Variants in OSBPL10 observed in about 807,000 individuals in gnomAD.
The protein encoded by OSBPL10 is oxysterol binding protein like 10, also known as oxysterol-binding protein-related protein 10.
In OSBPL10, 49 loss-of-function variants were observed where a neutral mutation model predicts 81.7. That is an observed-to-expected ratio of 0.60 (90% confidence interval 0.48 to 0.76). The LOEUF (loss-of-function observed/expected upper bound fraction) is 0.76. OSBPL10 is among the 30% of genes least tolerant of loss of function. OSBPL10 has a pLI of 0.00. For synonymous variants in OSBPL10, 419 were observed against 383.6 expected, an observed-to-expected ratio of 1.09 and a Z score of -1.08; for missense variants, 923 against 987.8, an observed-to-expected ratio of 0.93 and a Z score of 0.88.
At position 31,689,797 on chromosome 3, in the gene OSBPL10, C is replaced by T. The variant is rs569471008; in HGVS notation, c.1246-5683G>A. Among the ~76,000 whole-genome samples, 3 of 152,226 alleles carry T rather than the reference C, an allele frequency of 2.0e-5. No individual in the cohort carries two copies. The South Asian group carries it at 6.2e-4, about 32-fold the overall frequency. ...CTTCTGCCATGATTGTGAGGCCTCC[C>T]CAGCCATTTGGAACTATAAGTCCGT... On this transcript the variant is annotated intron_variant, in intron 7 of 11. Transcript: ENST00000396556.
rs1379230411 is a variant in OSBPL10, at chr3:32,060,909, G to T, written n.186-14306C>A. 5.0e-5 allele frequency among the ~76,000 whole-genome samples: 4 copies of T among 80,684 alleles called. 2 individuals are homozygous for T. The Admixed American group carries it at 6.3e-4, about 13-fold the overall frequency. 52.9% of individuals were successfully genotyped at this position (80,684 alleles called of 152,430 possible). A position where few individuals can be genotyped will look rare whatever the true frequency, so the allele number is the denominator to read the frequency against. ...AACCGCTTGAACCTGGGAGGCGGAGGTTTCGGTGAGCCGAGATCACACCAT... is the reference window on the plus strand; with the variant it reads ...AACCGCTTGAACCTGGGAGGCGGAGTTTTCGGTGAGCCGAGATCACACCAT... On this transcript the variant is annotated intron_variant and non_coding_transcript_variant, in intron 1 of 3. Transcript: ENST00000479173.
At chr3:31,948,179 AG>A (rs1327068646) in intron 1 of OSBPL10, among the ~76,000 whole-genome samples, 26 of 152,182 alleles carry the variant, frequency 1.7e-4, no homozygotes, top group African/African-American at 5.3e-4. Flanking sequence ...GACCCAGTAA[AG>A]GGGATCTGTG....
chr3:31,764,039 T>C (rs1177807733), intron 4 of OSBPL10, among the ~76,000 whole-genome samples: 1 of 152,230 alleles, frequency 6.6e-6, no homozygotes, highest in Non-Finnish European at 1.5e-5. Context: ...AATGTAATCC[T>C]CAAGGCACAC....
intron 1 of OSBPL10, among the ~76,000 whole-genome samples, chr3:31,965,603 A>ATTTTATATAAT (rs1414578847): frequency 1.9e-5 from 1 of 53,414 alleles, no homozygotes; most frequent in African/African-American, 6.8e-5. Flanking sequence ...TATATTATAT[A>ATTTTATATAAT]ATATATTATA....
chr3:31,880,908 G>A (rs1015528186), intron 1 of OSBPL10, among the ~76,000 whole-genome samples: 4 of 152,176 alleles, frequency 2.6e-5, no homozygotes, highest in Admixed American at 6.5e-5. Context: ...TCAAACACAC[G>A]TGGTCCACAC....
At chr3:31,954,244 A>T (rs1697948110) in intron 1 of OSBPL10, among the ~76,000 whole-genome samples, 1 of 152,206 alleles carries the variant, frequency 6.6e-6, no homozygotes, top group Admixed American at 6.5e-5. Flanking sequence ...AAGATGCCAC[A>T]GGCCTGGAGG....
At chr3:31,681,925 C>T (rs962383040) in intron 8 of OSBPL10, among the ~76,000 whole-genome samples, 2 of 152,190 alleles carry the variant, frequency 1.3e-5, no homozygotes, top group African/African-American at 4.8e-5. Context: ...AGCTCCCATA[C>T]TCTTCCTTCA....
Position 31,822,394 on chromosome 3 carries a change from C to T in OSBPL10, c.729+7646G>A, listed in dbSNP as rs1037855024. Among the ~76,000 whole-genome samples, 6 of 152,184 alleles carry T rather than the reference C, an allele frequency of 3.9e-5. No homozygotes were observed. In the East Asian group the frequency reaches 5.8e-4, roughly 15 times the overall value. On this transcript the variant is annotated intron_variant, in intron 4 of 11. Coordinates refer to ENST00000396556, the MANE Select transcript of OSBPL10 (RefSeq NM_017784.5). ...CACCACCTTTTCCCTCATCATGCTA[C>T]GAATCCAAAGCCTCCCTACTGAATT...
At chr3:31,812,660 T>G (rs771509998) in intron 4 of OSBPL10, among the ~76,000 whole-genome samples, 2 of 150,266 alleles carry the variant, frequency 1.3e-5, no homozygotes, top group Admixed American at 6.6e-5. Context: ...TCCTGAATGT[T>G]AAGTTGATAG....
chr3:31,746,286 G>A (rs1443955931), intron 5 of OSBPL10, among the ~76,000 whole-genome samples: 3 of 152,112 alleles, frequency 2.0e-5, no homozygotes, highest in Non-Finnish European at 4.4e-5. Flanking sequence ...AGGTGAGTGG[G>A]GCACAGAGCT....
intron 3 of OSBPL10, among the ~76,000 whole-genome samples, chr3:31,860,134 C>A (rs540459354): frequency 9.1e-4 from 138 of 152,208 alleles, no homozygotes; most frequent in Middle Eastern, 3.4e-3. Context: ...AAAGCCTTTT[C>A]TTTCCCTGTG....
chr3:31,725,647 C>T (rs570852093), intron 6 of OSBPL10, among the ~76,000 whole-genome samples: 1 of 152,286 alleles, frequency 6.6e-6, no homozygotes, highest in African/African-American at 2.4e-5. Flanking sequence ...CATCTTCTGC[C>T]TGGAGAGCTC....
intron 1 of OSBPL10, among the ~76,000 whole-genome samples, chr3:31,907,243 T>C (rs924865590): frequency 6.6e-6 from 1 of 152,202 alleles, no homozygotes; most frequent in African/African-American, 2.4e-5. Context: ...GCTTCCAGCA[T>C]ACTCATCTGA....
intron 4 of OSBPL10, among the ~76,000 whole-genome samples, chr3:31,783,622 C>A (rs904567385): frequency 6.7e-6 from 1 of 149,108 alleles, no homozygotes; most frequent in Non-Finnish European, 1.5e-5. Flanking sequence ...GAAATCCCGT[C>A]TCTACTAAAA....
In OSBPL10 at chr3:31,850,832, C is replaced by T. The variant is rs151207315; in HGVS notation, c.538-20601G>A. Among the ~76,000 whole-genome samples the T allele has an allele frequency of 6.9e-4, 105 of 152,234 alleles. 1 individual carries two copies. The highest frequency in any genetic ancestry group is 1.1e-3 in the Non-Finnish European group (73 of 68,030). On this transcript the variant is annotated intron_variant, in intron 3 of 11. Transcript: ENST00000396556. Reference sequence around the variant, plus strand: ...AGAAGGAAATGCTCCATCTACTTTACGGAATAAGAAACAAGTACAAAAAAG... The same window carrying T: ...AGAAGGAAATGCTCCATCTACTTTATGGAATAAGAAACAAGTACAAAAAAG...
At chr3:32,069,717 A>C (rs1350810697) in intron 1 of OSBPL10, among the ~76,000 whole-genome samples, 2 of 152,212 alleles carry the variant, frequency 1.3e-5, no homozygotes, top group Non-Finnish European at 2.9e-5. Flanking sequence ...ACAATAATAG[A>C]GAGGCGGTAG....
intron 2 of OSBPL10, among the ~76,000 whole-genome samples, chr3:32,014,811 A>T (rs529870214): frequency 6.6e-6 from 1 of 152,342 alleles, no homozygotes; most frequent in Non-Finnish European, 1.5e-5. Context: ...ACAGACAAAC[A>T]GAGATCCAAA....
intron 1 of OSBPL10, among the ~76,000 whole-genome samples, chr3:32,048,926 T>C (rs1179940104): frequency 6.6e-6 from 1 of 152,188 alleles, no homozygotes; most frequent in Non-Finnish European, 1.5e-5. Context: ...TTGTTATCAC[T>C]GCTCATTATA....
chr3:31,664,235 G>A lies in OSBPL10; in HGVS notation c.2097-3C>T, dbSNP rs772714903. ...GGGTCACCTCCCGCCAGAGGTTCCTGGGGATGCGTGGAGGAGAGGAAACAA... is the reference window on the plus strand; with the variant it reads ...GGGTCACCTCCCGCCAGAGGTTCCTAGGGATGCGTGGAGGAGAGGAAACAA... On this transcript the variant is annotated splice_region_variant and splice_polypyrimidine_tract_variant and intron_variant, in intron 10 of 11. Transcript: ENST00000396556. 1.9e-6 allele frequency: 3 copies of A among 1,611,836 alleles called. No homozygotes were observed. The highest frequency in any genetic ancestry group is 2.5e-6 in the Non-Finnish European group (3 of 1,179,954).
Sources: gnomAD v4.1 joint callset for allele counts (sites outside exome capture counted in the v4.1 genomes callset) on GRCh38, gnomAD v4.1.1 for gene constraint, MANE v1.5 for transcripts, NCBI Gene and HGNC (gene_info 2026-07-23, HGNC 2026-07-21) for gene names.